The following TRPC5 variants were observed in gnomAD, a reference collection of about 807,000 sequenced individuals.
The protein encoded by TRPC5 is transient receptor potential cation channel subfamily C member 5.
Under a neutral mutation model 56.5 loss-of-function variants are expected in TRPC5, and 9 were observed. The observed-to-expected ratio is 0.16, with a 90% CI of 0.10 to 0.28. TRPC5 has a LOEUF of 0.28. Ranked by LOEUF, TRPC5 falls within the 10% of genes least tolerant of loss-of-function variation. The probability of loss-of-function intolerance (pLI) is 1.00; values close to 1 mark genes in which losing one functional copy is unlikely to be tolerated. For synonymous variants in TRPC5, 282 were observed against 278.5 expected (o/e 1.01, Z -0.13); for missense variants, 469 against 748.9 (o/e 0.63, Z 4.36).
At chrX:111,820,569 T>C (rs1405268328) in intron 7 of TRPC5, among the ~76,000 whole-genome samples, 2 of 112,206 alleles carry the variant, frequency 1.8e-5, no homozygotes, top group African/African-American at 3.2e-5. Flanking sequence ...CACATAGCCA[T>C]GCCCGTTCAT....
rs1925854072 is a variant in TRPC5, at chrX:111,912,695, C to T, written c.496G>A (p.Val166Ile). ...ATCTGGTGGGGCCGTGGGATAGTGACCCGTTTTTGGACAAGCAATTTGATG... is the reference window on the plus strand; with the variant it reads ...ATCTGGTGGGGCCGTGGGATAGTGATCCGTTTTTGGACAAGCAATTTGATG... ...EIIKLLVQKRVTIPRPHQIRC... is the reference protein window; with the variant it reads ...EIIKLLVQKRITIPRPHQIRC... The change falls in exon 3 of 11, where the codon GTC (valine) becomes ATC (isoleucine). Residue 166 changes from valine to isoleucine, a missense_variant. Val to Ile is a conservative substitution (Grantham distance 29). Transcript: ENST00000262839. 1.7e-6 allele frequency: 2 copies of T among 1,208,601 alleles called. No individual in the cohort carries two copies. Among genetic ancestry groups the T allele is most frequent in the African/African-American group, 1.8e-5 (1 of 56,825 alleles).
intron 7 of TRPC5, among the ~76,000 whole-genome samples, chrX:111,807,701 C>A (rs768222928): frequency 1.2e-4 from 14 of 112,074 alleles, no homozygotes; most frequent in African/African-American, 4.2e-4. Flanking sequence ...GTTGTTTGTG[C>A]ATGTCTTCTT....
chrX:112,053,649 G>A lies in TRPC5; in HGVS notation c.-22+28230C>T, dbSNP rs186225072. On this transcript the variant is annotated intron_variant, in intron 1 of 10. Transcript: ENST00000262839. ...GTGGTGTAATAGATGGCCTGGTGGT[G>A]TAAGGGATGGCTTGAATGGAGATAT... Among the ~76,000 whole-genome samples, 5 of 111,734 alleles carry A rather than the reference G, an allele frequency of 4.5e-5. No individual in the cohort carries two copies. The Admixed American group carries it at 4.7e-4, about 11-fold the overall frequency.
chrX:111,912,387 G>T lies in TRPC5; in HGVS notation c.804C>A (p.Ile268=), dbSNP rs146697323. Residue 268 remains isoleucine (I), a synonymous_variant, in exon 3 of 11, where the codon ATC becomes ATA. Coordinates refer to ENST00000262839, the MANE Select transcript of TRPC5 (RefSeq NM_012471.3). ...QARSSRELEI[I]LNHRDDHSEE... is the part of the protein sequence containing the mutation. ...CACTGTGGTCATCTCGATGGTTGAG[G>T]ATGATCTCCAGTTCCCTGGAGCTCC... 2.0e-5 allele frequency: 24 copies of T among 1,209,425 alleles called. No homozygotes were observed. The African/African-American group carries it at 3.9e-4, about 19-fold the overall frequency.
At chrX:112,070,385 A>G (rs1035652409) in intron 1 of TRPC5, among the ~76,000 whole-genome samples, 1 of 111,089 alleles carries the variant, frequency 9.0e-6, no homozygotes, top group Admixed American at 9.6e-5. Context: ...GGGCCATTTC[A>G]TACATATTCC....
chrX:112,048,399 C>CAAAAAAAAA lies in TRPC5; in HGVS notation c.-22+33471_-22+33479dup, dbSNP rs58537492. Among the ~76,000 whole-genome samples the CAAAAAAAAA allele has an allele frequency of 7.0e-4, 15 of 21,483 alleles. 2 individuals carry two copies. The highest frequency in any genetic ancestry group is 1.6e-3 in the African/African-American group (10 of 6,401). 18.7% of individuals were successfully genotyped at this position (21,483 alleles called of 115,157 possible). A position where few individuals can be genotyped will look rare whatever the true frequency, so the allele number is the denominator to read the frequency against. On this transcript the variant is annotated intron_variant, in intron 1 of 10. Transcript: ENST00000262839. The stretch of plus-strand genomic sequence containing the variant: ...CTGGCGACAGAGCAAGACTCCGTAT[C>CAAAAAAAAA]AAAAAAAAAAAAAAAAAAAAAAAAA...
intron 7 of TRPC5, among the ~76,000 whole-genome samples, chrX:111,782,806 A>AACACACACACACAC (rs1186498788): frequency 0.029 from 2,669 of 92,046 alleles, 114 homozygotes; most frequent in African/African-American, 0.098. Context: ...CATTATAATC[A>AACACACACACACAC]ACACACACAC....
At position 111,952,586 on chromosome X, in the gene TRPC5, A is replaced by T. The variant is rs183419960; in HGVS notation, c.-21-145T>A. ...GTCTTTTTTCCGCTTACAAAGAAGT[A>T]TAACAGAAAAAGCCCAGGCTTTGGG... On this transcript the variant is annotated intron_variant, in intron 1 of 10. Transcript: ENST00000262839. The T allele has an allele frequency of 9.3e-5, 56 of 602,641 alleles. No individual in the cohort carries two copies. In the African/African-American group the frequency reaches 1.2e-3, roughly 13 times the overall value. The allele number at this position is 602,641 out of a possible 1,213,427, so 49.7% of individuals were successfully genotyped here. A position where few individuals can be genotyped will look rare whatever the true frequency, so the allele number is the denominator to read the frequency against.
At chrX:111,839,543 A>C (rs2090721516) in intron 6 of TRPC5, among the ~76,000 whole-genome samples, 1 of 111,807 alleles carries the variant, frequency 8.9e-6, no homozygotes, top group Admixed American at 9.5e-5. Flanking sequence ...CATTGTGCTA[A>C]GTGCTTTGCA....
At chrX:111,935,355 T>A (rs1276431141) in intron 2 of TRPC5, among the ~76,000 whole-genome samples, 8 of 112,127 alleles carry the variant, frequency 7.1e-5, no homozygotes, top group African/African-American at 1.9e-4. Flanking sequence ...ACTCCTTATA[T>A]GTTCTGGTTA....
intron 2 of TRPC5, among the ~76,000 whole-genome samples, chrX:111,924,458 G>C (rs5985658): frequency 0.015 from 1,666 of 108,971 alleles, 25 homozygotes; most frequent in African/African-American, 0.053. Context: ...TCACGGTAAG[G>C]AGAGGCCTTT....
chrX:112,078,033 AACT>A (rs921787850), intron 1 of TRPC5, among the ~76,000 whole-genome samples: 2 of 111,288 alleles, frequency 1.8e-5, no homozygotes, highest in African/African-American at 6.5e-5. Flanking sequence ...CATTCCCCAA[AACT>A]ACTATGGTGC....
intron 1 of TRPC5, among the ~76,000 whole-genome samples, chrX:112,023,234 GTTTTTTTTTTTGTTT>G (rs1929322209): frequency 2.2e-5 from 1 of 45,960 alleles, no homozygotes; most frequent in African/African-American, 8.0e-5. Context: ...GCGCCCAGCA[GTTTTTTTTTTTGTTT>G]TTTTTTTTTT....
At chrX:112,076,114 AG>A (rs751738394) in intron 1 of TRPC5, among the ~76,000 whole-genome samples, 1 of 112,452 alleles carries the variant, frequency 8.9e-6, no homozygotes, top group East Asian at 2.8e-4. Flanking sequence ...TTGTTTATTT[AG>A]GGTGATCACA....
In TRPC5 at chrX:112,015,046, T is replaced by C. The variant is rs866255165; in HGVS notation, c.-21-62605A>G. Among the ~76,000 whole-genome samples the C allele has an allele frequency of 8.3e-3, 905 of 108,913 alleles. 5 individuals are homozygous for C. The highest frequency in any genetic ancestry group is 0.012 in the Non-Finnish European group (641 of 52,353). 94.6% of individuals were successfully genotyped at this position (108,913 alleles called of 115,157 possible). On this transcript the variant is annotated intron_variant, in intron 1 of 10. Coordinates refer to ENST00000262839, the MANE Select transcript of TRPC5 (RefSeq NM_012471.3). ...CTGCCTTCTTGCCATTTTTTTTTTT[T>C]TTTTTGACATAGTCTCAGAGTCTGG... is the stretch of plus-strand genomic sequence containing the variant.
intron 1 of TRPC5, among the ~76,000 whole-genome samples, chrX:112,046,310 G>C (rs1478975909): frequency 9.3e-6 from 1 of 107,125 alleles, no homozygotes; most frequent in African/African-American, 3.4e-5. Flanking sequence ...CCCTTCTCTA[G>C]ATAGCTTCCT....
At chrX:112,061,687 AC>A (rs920755338) in intron 1 of TRPC5, among the ~76,000 whole-genome samples, 4 of 111,539 alleles carry the variant, frequency 3.6e-5, no homozygotes, top group African/African-American at 1.3e-4. Flanking sequence ...CACACACATG[AC>A]TATTAAAAAC....
intron 3 of TRPC5, among the ~76,000 whole-genome samples, chrX:111,897,339 G>A (rs1040596049): frequency 3.6e-5 from 4 of 111,326 alleles, no homozygotes; most frequent in African/African-American, 1.3e-4. Flanking sequence ...CATTGCATCT[G>A]ACATATGCTT....
At chrX:111,917,058 G>A (rs943718315) in intron 2 of TRPC5, among the ~76,000 whole-genome samples, 1 of 112,778 alleles carries the variant, frequency 8.9e-6, no homozygotes, top group Non-Finnish European at 1.9e-5. Flanking sequence ...TGATTAGCTT[G>A]GCCACAGTGT....
Sources: gnomAD v4.1 joint callset for allele counts (sites outside exome capture counted in the v4.1 genomes callset) on GRCh38, gnomAD v4.1.1 for gene constraint, MANE v1.5 for transcripts, NCBI Gene and HGNC (gene_info 2026-07-23, HGNC 2026-07-21) for gene names.